Variants in CDNF observed in about 807,000 individuals in gnomAD.
The protein encoded by CDNF is cerebral dopamine neurotrophic factor, also known as ARMET-like protein 1.
CDNF carries 9 observed loss-of-function variants against 14.8 expected under a neutral mutation model. The ratio of observed to expected loss-of-function variants is 0.61; its 90% CI spans 0.37 to 1.06. The LOEUF is 1.06. Ranked by LOEUF, CDNF falls within the 50% of genes least tolerant of loss-of-function variation. CDNF has a pLI of 0.01. For missense variants in CDNF, 228 were observed against 228.4 expected (o/e 1.00, Z 0.01); for synonymous variants, 86 against 87.2 (o/e 0.99, Z 0.07).
At chr10:14,835,487 A>C (rs1833878924) in intron 1 of CDNF, among the ~76,000 whole-genome samples, 1 of 152,176 alleles carries the variant, frequency 6.6e-6, no homozygotes, top group East Asian at 1.9e-4. Context: ...TAAGAAAGGA[A>C]ACTCATTTTC....
chr10:14,819,834 G>A lies in CDNF; in HGVS notation c.*146C>T, dbSNP rs774378310. The A allele has an allele frequency of 1.4e-4, 107 of 772,108 alleles. No individual in the cohort carries two copies. Among genetic ancestry groups the A allele is most frequent in the Non-Finnish European group, 2.0e-4 (96 of 485,078 alleles). The allele number at this position is 772,108 out of a possible 1,614,324, so 47.8% of individuals were successfully genotyped here. On this transcript the variant is annotated 3_prime_UTR_variant, in exon 4 of 4. Transcript: ENST00000465530. ...GTATTAGTTTCACTCATAAACCCACGTAACAAAATTCTGAGGAATAATACC... is the reference window on the plus strand; with the variant it reads ...GTATTAGTTTCACTCATAAACCCACATAACAAAATTCTGAGGAATAATACC...
At chr10:14,828,105 TC>T (rs1833813730) in intron 2 of CDNF, 39 bp downstream of exon 2, 3 of 1,607,780 alleles carry the variant, frequency 1.9e-6, no homozygotes, top group Non-Finnish European at 1.7e-6. Context: ...GCAGTATTCT[TC>T]AAGCACATGG....
intron 2 of CDNF, among the ~76,000 whole-genome samples, chr10:14,826,067 G>C (rs1368664969): frequency 1.4e-5 from 2 of 139,946 alleles, no homozygotes; most frequent in African/African-American, 2.8e-5. Context: ...AGAAGAAGAA[G>C]AAGAAGAAGA....
At chr10:14,831,661 C>A (rs1833845122) in intron 1 of CDNF, among the ~76,000 whole-genome samples, 1 of 150,512 alleles carries the variant, frequency 6.6e-6, no homozygotes. Flanking sequence ...GCAACCTCCA[C>A]CTTCTGAGGT....
intron 2 of CDNF, among the ~76,000 whole-genome samples, chr10:14,825,999 CAGA>C (rs1167866229): frequency 5.7e-5 from 6 of 106,056 alleles, no homozygotes; most frequent in African/African-American, 2.9e-4. Context: ...GAAGAAGCAG[CAGA>C]AGAAGCAGAA....
intron 3 of CDNF, among the ~76,000 whole-genome samples, chr10:14,825,100 C>T (rs944177683): frequency 9.2e-5 from 14 of 152,076 alleles, no homozygotes; most frequent in African/African-American, 3.1e-4. Context: ...ACTATAGCTG[C>T]CCGCCACCAC....
chr10:14,825,093 A>T (rs1353215804), intron 3 of CDNF, among the ~76,000 whole-genome samples: 2 of 151,920 alleles, frequency 1.3e-5, no homozygotes, highest in African/African-American at 4.8e-5. Flanking sequence ...AGGTGGGACT[A>T]TAGCTGCCCG....
At chr10:14,835,287 GAGAGA>G (rs1463534728) in intron 1 of CDNF, among the ~76,000 whole-genome samples, 1 of 152,184 alleles carries the variant, frequency 6.6e-6, no homozygotes, top group Non-Finnish European at 1.5e-5. Context: ...AGACTGAGAA[GAGAGA>G]AGAGAAGAGA....
chr10:14,836,096 G>GT (rs1462885242), intron 1 of CDNF, among the ~76,000 whole-genome samples: 1 of 152,106 alleles, frequency 6.6e-6, no homozygotes, highest in African/African-American at 2.4e-5. Context: ...GAACCATTCA[G>GT]TTTTTTTGCC....
At chr10:14,825,207 C>T (rs1177788232) in intron 3 of CDNF, among the ~76,000 whole-genome samples, 1 of 152,136 alleles carries the variant, frequency 6.6e-6, no homozygotes, top group African/African-American at 2.4e-5. Flanking sequence ...CCGCCCGTCT[C>T]GGCCTCCCAA....
intron 1 of CDNF, among the ~76,000 whole-genome samples, chr10:14,831,349 G>A (rs918516986): frequency 1.3e-5 from 2 of 151,848 alleles, no homozygotes; most frequent in African/African-American, 4.8e-5. Context: ...GTTGGCTTCT[G>A]GGTATGCCTT....
chr10:14,828,295 T>G (rs774197419), intron 1 of CDNF, 23 bp from the exon 2 acceptor site: 5 of 1,611,798 alleles, frequency 3.1e-6, no homozygotes, highest in Non-Finnish European at 4.2e-6. Context: ...AATAAATATG[T>G]CTGCATGCAC....
rs757628281 is a variant in CDNF, at chr10:14,837,825, C to A, written c.115+7G>T. ...GCCGCCATGCAAGCAGTTGTCACAC[C>A]GCTCACCTTCACAGTCGGCCCCTGG... On this transcript the variant is annotated splice_region_variant and intron_variant, in intron 1 of 3. Coordinates refer to ENST00000465530, the MANE Select transcript of CDNF (RefSeq NM_001029954.3). 20 of 1,552,946 alleles carry A rather than the reference C, an allele frequency of 1.3e-5. No homozygotes were observed. The highest frequency in any genetic ancestry group is 1.4e-5 in the Non-Finnish European group (16 of 1,143,254).
At chr10:14,826,352 G>C (rs547980848) in intron 2 of CDNF, among the ~76,000 whole-genome samples, 4 of 150,512 alleles carry the variant, frequency 2.7e-5, no homozygotes, top group African/African-American at 9.8e-5. Context: ...AGAAGCAGAA[G>C]CAGCAGAAGC....
At chr10:14,831,528 TAC>T (rs1000416448) in intron 1 of CDNF, among the ~76,000 whole-genome samples, 14 of 149,220 alleles carry the variant, frequency 9.4e-5, no homozygotes, top group Non-Finnish European at 1.6e-4. Context: ...AATACATATA[TAC>T]ACATATATAA....
chr10:14,827,044 C>T (rs1833803769), intron 2 of CDNF, among the ~76,000 whole-genome samples: 2 of 124,094 alleles, frequency 1.6e-5, no homozygotes, highest in South Asian at 2.4e-4. Flanking sequence ...GGCCAAACCC[C>T]GTCTCTACAA....
At chr10:14,825,294 C>G (rs1833770208) in intron 3 of CDNF, among the ~76,000 whole-genome samples, 185 bp downstream of exon 3, 1 of 152,094 alleles carries the variant, frequency 6.6e-6, no homozygotes, top group Non-Finnish European at 1.5e-5. Flanking sequence ...TATGCCTGTA[C>G]TATTTATTTG....
At position 14,835,552 on chromosome 10, in the gene CDNF, T is replaced by G. The variant is rs113958932; in HGVS notation, c.115+2280A>C. ...ATAAATGCCCTAACAAATTAGTAGC[T>G]TCTTAAGTTTTCTGGGATGTCTTTA... On this transcript the variant is annotated intron_variant, in intron 1 of 3. Coordinates refer to ENST00000465530, the MANE Select transcript of CDNF (RefSeq NM_001029954.3). Among the ~76,000 whole-genome samples, 1,381 of 152,326 alleles carry G rather than the reference T, an allele frequency of 9.1e-3. 18 individuals are homozygous for G. Among genetic ancestry groups the G allele is most frequent in the African/African-American group, 0.031 (1,269 of 41,558 alleles).
In CDNF at chr10:14,823,839, A is replaced by C. The variant is rs112660848; in HGVS notation, c.385+1640T>G. On this transcript the variant is annotated intron_variant, in intron 3 of 3. Coordinates refer to ENST00000465530, the MANE Select transcript of CDNF (RefSeq NM_001029954.3). ...GCCGCGCCCGGCCAAGTTTGTGAAT[A>C]TTGTTTATATGGACTCAGTGATTTC... 5.8e-3 allele frequency among the ~76,000 whole-genome samples: 881 copies of C among 152,252 alleles called. 11 individuals are homozygous for C. Among genetic ancestry groups the C allele is most frequent in the African/African-American group, 0.02 (812 of 41,538 alleles).
Sources: gnomAD v4.1 joint callset for allele counts (sites outside exome capture counted in the v4.1 genomes callset) on GRCh38, gnomAD v4.1.1 for gene constraint, MANE v1.5 for transcripts, NCBI Gene and HGNC (gene_info 2026-07-23, HGNC 2026-07-21) for gene names.